ATAD1: variants seen among roughly 807,000 people sequenced by gnomAD.
The protein encoded by ATAD1 is outer mitochondrial transmembrane helix translocase.
ATAD1 carries 18 observed loss-of-function variants against 42.7 expected under a neutral mutation model. That is an observed-to-expected ratio of 0.42 (90% CI 0.29 to 0.63). The LOEUF is 0.63. ATAD1 is among the 20% of genes least tolerant of loss of function. The pLI, the probability that ATAD1 is intolerant of heterozygous loss-of-function variation, is 0.19. For synonymous variants in ATAD1, 132 were observed against 143.1 expected, an observed-to-expected ratio of 0.92 and a Z score of 0.55; for missense variants, 294 against 440.4, an observed-to-expected ratio of 0.67 and a Z score of 2.98.
chr10:87,759,081 T>A (rs1854361071), intron 8 of ATAD1, among the ~76,000 whole-genome samples: 1 of 152,212 alleles, frequency 6.6e-6, no homozygotes, highest in African/African-American at 2.4e-5. Context: ...CTGATTATAG[T>A]CAGACTTCTC....
At chr10:87,789,263 C>T (rs1432337113) in intron 4 of ATAD1, among the ~76,000 whole-genome samples, 2 of 152,088 alleles carry the variant, frequency 1.3e-5, no homozygotes, top group Non-Finnish European at 2.9e-5. Flanking sequence ...ATATCAAACC[C>T]ATATAGTTTT....
At chr10:87,787,375 T>A (rs1589509467) in intron 4 of ATAD1, among the ~76,000 whole-genome samples, 2 of 152,284 alleles carry the variant, frequency 1.3e-5, no homozygotes, top group South Asian at 4.1e-4. Flanking sequence ...ATCTCAACAC[T>A]TTGGGATGCT....
At chr10:87,784,161 CA>C (rs1855706553) in intron 5 of ATAD1, among the ~76,000 whole-genome samples, 1 of 152,048 alleles carries the variant, frequency 6.6e-6, no homozygotes, top group Non-Finnish European at 1.5e-5. Context: ...AGATATATCA[CA>C]CAACCAAATG....
At chr10:87,754,925 G>A in intron 9 of ATAD1, 118 bp from the exon 10 acceptor site, 1 of 1,179,688 alleles carries the variant, frequency 8.5e-7, no homozygotes, top group Non-Finnish European at 1.2e-6. Context: ...GTTTTCAACT[G>A]TAGAAAAGGG....
At chr10:87,807,504 T>C (rs1008034840) in intron 2 of ATAD1, among the ~76,000 whole-genome samples, 1 of 152,218 alleles carries the variant, frequency 6.6e-6, no homozygotes, top group African/African-American at 2.4e-5. Context: ...AAAAGGTATA[T>C]CAATTTGACT....
intron 2 of ATAD1, among the ~76,000 whole-genome samples, chr10:87,798,988 T>C (rs1165089713): frequency 1.3e-5 from 2 of 152,174 alleles, no homozygotes; most frequent in African/African-American, 2.4e-5. Context: ...ACTGAAAATA[T>C]ATAAAAGAGC....
At chr10:87,798,181 A>C (rs1187010730) in intron 2 of ATAD1, among the ~76,000 whole-genome samples, 2 of 152,202 alleles carry the variant, frequency 1.3e-5, no homozygotes, top group African/African-American at 2.4e-5. Context: ...AGAGGGCAGA[A>C]ACAACTCAGT....
At chr10:87,767,383 A>AT (rs1854806129) in intron 8 of ATAD1, among the ~76,000 whole-genome samples, 1 of 152,278 alleles carries the variant, frequency 6.6e-6, no homozygotes, top group African/African-American at 2.4e-5. Context: ...TTAGACTCTC[A>AT]TAAGAAGCGA....
intron 5 of ATAD1, among the ~76,000 whole-genome samples, chr10:87,782,217 C>T (rs1443148784): frequency 6.6e-6 from 1 of 152,118 alleles, no homozygotes; most frequent in African/African-American, 2.4e-5. Context: ...GATTAGAATG[C>T]AGTGGAATTG....
chr10:87,766,839 A>C (rs1404558093), intron 8 of ATAD1, among the ~76,000 whole-genome samples: 1 of 151,918 alleles, frequency 6.6e-6, no homozygotes, highest in Non-Finnish European at 1.5e-5. Context: ...AGAAAAAAAT[A>C]TATACAGGAA....
chr10:87,820,711 A>G (rs1857616420), upstream of ATAD1, among the ~76,000 whole-genome samples: 1 of 152,190 alleles, frequency 6.6e-6, no homozygotes, highest in African/African-American at 2.4e-5. Flanking sequence ...ACTGGAAACC[A>G]AATGCCTACA....
At chr10:87,761,389 G>C (rs1286108519) in intron 8 of ATAD1, among the ~76,000 whole-genome samples, 1 of 152,080 alleles carries the variant, frequency 6.6e-6, no homozygotes, top group Non-Finnish European at 1.5e-5. Context: ...CTGCTGGGTG[G>C]GATGGCTCAT....
At chr10:87,772,724 T>C (rs1211588785) in intron 6 of ATAD1, among the ~76,000 whole-genome samples, 1 of 152,170 alleles carries the variant, frequency 6.6e-6, no homozygotes, top group Non-Finnish European at 1.5e-5. Flanking sequence ...CTATTGAGTA[T>C]GTATAACAGA....
intron 2 of ATAD1, among the ~76,000 whole-genome samples, chr10:87,808,428 T>A (rs1857027363): frequency 6.6e-6 from 1 of 152,062 alleles, no homozygotes; most frequent in Admixed American, 6.5e-5. Context: ...ATAAAATACA[T>A]TTGTTTTAGT....
intron 2 of ATAD1, among the ~76,000 whole-genome samples, chr10:87,813,821 T>C (rs1857293499): frequency 6.6e-6 from 1 of 150,954 alleles, no homozygotes; most frequent in African/African-American, 2.4e-5. Context: ...AATTATTGTT[T>C]AAAAAAAAAG....
chr10:87,776,828 C>T (rs911150674), intron 5 of ATAD1, among the ~76,000 whole-genome samples: 1 of 151,876 alleles, frequency 6.6e-6, no homozygotes, highest in Non-Finnish European at 1.5e-5. Context: ...AATGATAAAA[C>T]GTTTTAGATG....
chr10:87,830,653 T>A (rs1368141789), intron 1 of ATAD1, among the ~76,000 whole-genome samples: 1 of 152,240 alleles, frequency 6.6e-6, no homozygotes, highest in Non-Finnish European at 1.5e-5. Flanking sequence ...ACCTCTTTTT[T>A]AAATACCACT....
Position 87,784,525 on chromosome 10 carries a change from A to T in ATAD1, c.528T>A (p.Ala176=). ...WYGESQKLAA[A]VFSLAIKLQP... ...GTAGCTTTATGGCAAGGGAGAAGAC[A>T]GCAGCAGCCAATTTCTGAGATTCTC... is the stretch of plus-strand genomic sequence containing the variant. The change falls in exon 5 of 10, where the codon GCT becomes GCA. Residue 176 remains alanine (A), a synonymous_variant. Coordinates refer to ENST00000680024, the MANE Select transcript of ATAD1 (RefSeq NM_001321967.2). The T allele has an allele frequency of 6.2e-7, 1 of 1,613,858 alleles. No homozygotes were observed. The highest frequency in any genetic ancestry group is 8.5e-7 in the Non-Finnish European group (1 of 1,179,868).
intron 3 of ATAD1, among the ~76,000 whole-genome samples, chr10:87,791,184 G>A (rs1409381878): frequency 7.1e-6 from 1 of 141,644 alleles, no homozygotes; most frequent in Non-Finnish European, 1.5e-5. Flanking sequence ...CATCCTAGGT[G>A]ACAGAGTGAG....
Sources: allele counts gnomAD v4.1 joint callset (sites outside exome capture counted in the v4.1 genomes callset), GRCh38; gene constraint gnomAD v4.1.1; transcripts MANE v1.5; gene names NCBI Gene and HGNC (gene_info 2026-07-23, HGNC 2026-07-21).